LAMA2: variants seen among roughly 807,000 people sequenced by gnomAD.
LAMA2 encodes the protein laminin subunit alpha 2, also known as laminin subunit alpha-2.
LAMA2 carries 269 observed loss-of-function variants against 364.8 expected under a neutral mutation model. The ratio of observed to expected loss-of-function variants is 0.74; its 90% confidence interval spans 0.67 to 0.82. The LOEUF (loss-of-function observed/expected upper bound fraction) is 0.82, where lower values mean the gene tolerates loss of function less well. Ranked by LOEUF, LAMA2 falls within the 40% of genes least tolerant of loss-of-function variation. LAMA2 has a pLI of 0.00. For missense variants in LAMA2, 3,807 were observed against 3,873.2 expected (o/e 0.98, Z 0.45); for synonymous variants, 1,379 against 1,370.6 (o/e 1.01, Z -0.14).
chr6:129,414,741 GT>G (rs1368813109), intron 40 of LAMA2, among the ~76,000 whole-genome samples: 1 of 152,256 alleles, frequency 6.6e-6, no homozygotes, highest in African/African-American at 2.4e-5. Flanking sequence ...ATGCATACAT[GT>G]TTTAATTTCT....
chr6:129,295,753 G>T (rs1356106047), intron 20 of LAMA2, among the ~76,000 whole-genome samples: 6 of 151,360 alleles, frequency 4.0e-5, no homozygotes, highest in Admixed American at 4.0e-4. Context: ...CAATATGAGA[G>T]TGTGGATATA....
intron 23 of LAMA2, among the ~76,000 whole-genome samples, 183 bp downstream of exon 23, chr6:129,313,280 T>C (rs1774347441): frequency 1.3e-5 from 2 of 152,246 alleles, no homozygotes; most frequent in South Asian, 4.1e-4. Context: ...CGATAAACAC[T>C]GCTTTTCTAG....
chr6:128,998,315 T>G (rs1784130372), intron 1 of LAMA2, among the ~76,000 whole-genome samples: 1 of 152,190 alleles, frequency 6.6e-6, no homozygotes, highest in Non-Finnish European at 1.5e-5. Flanking sequence ...GGAGCAAAGT[T>G]GATGCACAAC....
chr6:128,948,948 C>G (rs1429238483), intron 1 of LAMA2, among the ~76,000 whole-genome samples: 1 of 152,120 alleles, frequency 6.6e-6, no homozygotes, highest in Non-Finnish European at 1.5e-5. Flanking sequence ...AATTACCCAG[C>G]CTCAGATGTT....
At chr6:129,031,387 A>G (rs1380451922) in intron 1 of LAMA2, among the ~76,000 whole-genome samples, 2 of 152,248 alleles carry the variant, frequency 1.3e-5, no homozygotes, top group Admixed American at 1.3e-4. Flanking sequence ...GAGAAATTCC[A>G]GAAGCTGGGG....
At chr6:129,502,526 A>T in intron 58 of LAMA2, 133 bp from the exon 59 acceptor site, 1 of 691,268 alleles carries the variant, frequency 1.4e-6, no homozygotes, top group Non-Finnish European at 2.6e-6. Flanking sequence ...TATGCAGTAG[A>T]CTACAGAGAT....
At position 129,505,331 on chromosome 6, in the gene LAMA2, C is replaced by A. The variant is rs761637800; in HGVS notation, c.8679C>A (p.Asn2893Lys). 2 of 1,613,808 alleles carry A rather than the reference C, an allele frequency of 1.2e-6. No homozygotes were observed. Among genetic ancestry groups the A allele is most frequent in the South Asian group, 2.2e-5 (2 of 91,080 alleles). Residue 2893 changes from asparagine to lysine, a missense_variant, in exon 61 of 65, where the codon AAC becomes AAA. Physicochemically the swap from Asn to Lys is moderately conservative, Grantham distance 94. Around this residue, in one of 3 missense-constraint regions of LAMA2, gnomAD observed 3,333 missense variants for 3,345.7 expected, o/e 1.00. Transcript: ENST00000421865. The stretch of plus-strand genomic sequence containing the variant: ...TGTATGTTGGTGGGTTACCCATCAA[C>A]TACACTACCCGAAGAATTGGTCCAG... Reference protein sequence around the residue: ...GMLYVGGLPINYTTRRIGPVT... With the variant: ...GMLYVGGLPIKYTTRRIGPVT...
rs923144224 is a variant in LAMA2 at position 128,937,987 on chromosome 6, C to T, written c.112+54630C>T. ...TTTTGGTGTGTTGTATTGTTATTTT[C>T]ATTTGTCTCAAGATACTTTTGATTT... On this transcript the variant is annotated intron_variant, in intron 1 of 64. Coordinates refer to ENST00000421865, the MANE Select transcript of LAMA2 (RefSeq NM_000426.4). Among the ~76,000 whole-genome samples, 5 of 151,980 alleles carry T rather than the reference C, an allele frequency of 3.3e-5. No individual in the cohort carries two copies. In the East Asian group the frequency reaches 9.7e-4, roughly 29 times the overall value.
intron 4 of LAMA2, among the ~76,000 whole-genome samples, chr6:129,132,402 G>A (rs1457790144): frequency 2.0e-5 from 3 of 152,054 alleles, no homozygotes; most frequent in Non-Finnish European, 4.4e-5. Flanking sequence ...TCCTGACCTC[G>A]TGATCGGCCC....
intron 23 of LAMA2, 72 bp from the exon 24 acceptor site, chr6:129,314,583 T>C (rs536292261): frequency 7.5e-5 from 105 of 1,406,204 alleles, no homozygotes; most frequent in Non-Finnish European, 1.0e-4. Context: ...ATGCTCCCGT[T>C]ATGCATTCTC....
At chr6:129,330,823 A>G (rs776444054) in intron 29 of LAMA2, among the ~76,000 whole-genome samples, 3 of 150,916 alleles carry the variant, frequency 2.0e-5, no homozygotes, top group Non-Finnish European at 4.4e-5. Flanking sequence ...TTTTTACTCA[A>G]GTGAACTCCA....
chr6:128,914,183 T>G (rs1778159700), intron 1 of LAMA2, among the ~76,000 whole-genome samples: 1 of 152,120 alleles, frequency 6.6e-6, no homozygotes, highest in Admixed American at 6.6e-5. Context: ...TGGCTGAAGG[T>G]TTGCTTCAGT....
intron 1 of LAMA2, among the ~76,000 whole-genome samples, chr6:128,967,741 G>A (rs566833643): frequency 2.0e-4 from 30 of 152,196 alleles, no homozygotes; most frequent in African/African-American, 5.1e-4. Flanking sequence ...AGGGAAACAC[G>A]GATTTTACTG....
rs1188449661 is a variant in LAMA2, at chr6:128,898,713, C to T, written c.112+15356C>T. On this transcript the variant is annotated intron_variant, in intron 1 of 64. Coordinates refer to ENST00000421865, the MANE Select transcript of LAMA2 (RefSeq NM_000426.4). ...AATAGTAAATCAGATTAGATCTTTC[C>T]TCTGCTTAAAACCTTTCAATGCATT... 2.0e-5 allele frequency among the ~76,000 whole-genome samples: 3 copies of T among 152,194 alleles called. No individual in the cohort carries two copies. The South Asian group carries it at 6.2e-4, about 31-fold the overall frequency.
At position 129,378,455 on chromosome 6, in the gene LAMA2, G is replaced by A. The variant is rs536816754; in HGVS notation, c.4960-4667G>A. 9.2e-5 allele frequency among the ~76,000 whole-genome samples: 14 copies of A among 152,292 alleles called. No homozygotes were observed. The South Asian group carries it at 2.1e-3, about 23-fold the overall frequency. The stretch of plus-strand genomic sequence containing the variant: ...CATAGGCTTCTTTATGAAGTCTCTC[G>A]TGGGTATTTTTGACCAGGGTGAATC... On this transcript the variant is annotated intron_variant, in intron 34 of 64. Coordinates refer to ENST00000421865, the MANE Select transcript of LAMA2 (RefSeq NM_000426.4).
intron 1 of LAMA2, among the ~76,000 whole-genome samples, chr6:128,987,082 G>C (rs2114651072): frequency 6.7e-6 from 1 of 149,562 alleles, no homozygotes; most frequent in South Asian, 2.1e-4. Flanking sequence ...GTTGTTTTGT[G>C]CACGTGTCTT....
intron 18 of LAMA2, among the ~76,000 whole-genome samples, chr6:129,282,720 C>T (rs911963186): frequency 4.6e-5 from 7 of 152,140 alleles, no homozygotes; most frequent in Admixed American, 3.3e-4. Context: ...CTTAGAGGCA[C>T]AGGAATCATT....
chr6:128,983,075 G>T (rs897157670), intron 1 of LAMA2, among the ~76,000 whole-genome samples: 1 of 151,674 alleles, frequency 6.6e-6, no homozygotes, highest in Non-Finnish European at 1.5e-5. Context: ...ATAAACATAC[G>T]TGTGCATGTG....
chr6:128,926,182 T>C (rs752566889), intron 1 of LAMA2, among the ~76,000 whole-genome samples: 8 of 152,056 alleles, frequency 5.3e-5, no homozygotes, highest in Non-Finnish European at 8.8e-5. Flanking sequence ...GGAGGTAGAG[T>C]GTTGGCTTTC....
Sources: allele counts gnomAD v4.1 joint callset (sites outside exome capture counted in the v4.1 genomes callset), GRCh38; gene constraint gnomAD v4.1.1; regional missense constraint gnomAD v4.1.1; transcripts MANE v1.5; gene names NCBI Gene and HGNC (gene_info 2026-07-23, HGNC 2026-07-21).